The following ARHGAP26 variants were observed in gnomAD, a reference collection of about 807,000 sequenced individuals.
ARHGAP26 encodes the protein Rho GTPase activating protein 26, also known as rho GTPase-activating protein 26.
A neutral mutation model predicts 104.8 loss-of-function variants in ARHGAP26; 38 were observed. That is an observed-to-expected ratio of 0.36 (90% confidence interval 0.28 to 0.48). The LOEUF (loss-of-function observed/expected upper bound fraction) is 0.48. Ranked by LOEUF, ARHGAP26 falls within the 20% of genes least tolerant of loss-of-function variation. The pLI is 0.99. For synonymous variants in ARHGAP26, 341 were observed against 340.0 expected (o/e 1.00, Z -0.03); for missense variants, 704 against 947.9 (o/e 0.74, Z 3.38).
intron 20 of ARHGAP26, among the ~76,000 whole-genome samples, chr5:143,150,309 G>C (rs1361595524): frequency 6.6e-6 from 1 of 152,222 alleles, no homozygotes; most frequent in Non-Finnish European, 1.5e-5. Flanking sequence ...GAGGGTTCCT[G>C]TCTTCCCCAA....
At chr5:142,831,173 G>C (rs1317891145) in intron 1 of ARHGAP26, among the ~76,000 whole-genome samples, 26 of 152,066 alleles carry the variant, frequency 1.7e-4, no homozygotes, top group Admixed American at 1.6e-3. Flanking sequence ...CTGTTGAGTT[G>C]GTTCTCTCAG....
chr5:142,978,153 C>T (rs1357393728), intron 11 of ARHGAP26, among the ~76,000 whole-genome samples: 4 of 152,212 alleles, frequency 2.6e-5, no homozygotes, highest in African/African-American at 7.2e-5. Flanking sequence ...GGGGTCGGAT[C>T]GCTTCTCCTT....
At chr5:143,211,733 A>ATTTTTTTTT (rs1335525132) in intron 21 of ARHGAP26, among the ~76,000 whole-genome samples, 1 of 151,296 alleles carries the variant, frequency 6.6e-6, no homozygotes, top group Admixed American at 6.6e-5. Context: ...TGCCTGGCTA[A>ATTTTTTTTT]TTTTTTTTAT....
At chr5:143,058,372 A>G (rs1786174719) in intron 17 of ARHGAP26, among the ~76,000 whole-genome samples, 1 of 152,260 alleles carries the variant, frequency 6.6e-6, no homozygotes, top group East Asian at 1.9e-4. Flanking sequence ...GTCCTCTGAG[A>G]TAATCAAAGC....
chr5:142,957,455 G>GA (rs1769436486), intron 11 of ARHGAP26, among the ~76,000 whole-genome samples: 1 of 152,046 alleles, frequency 6.6e-6, no homozygotes, highest in Non-Finnish European at 1.5e-5. Flanking sequence ...GACCATCATT[G>GA]GACCATAAGA....
intron 10 of ARHGAP26, among the ~76,000 whole-genome samples, chr5:142,918,866 C>T (rs570319551): frequency 6.6e-6 from 1 of 152,276 alleles, no homozygotes; most frequent in South Asian, 2.1e-4. Context: ...GGTATCATGT[C>T]AGTCCAATCA....
chr5:142,770,950 G>C (rs759757591), intron 1 of ARHGAP26, 35 bp downstream of exon 1: 2 of 1,575,394 alleles, frequency 1.3e-6, no homozygotes, highest in Non-Finnish European at 1.7e-6. Flanking sequence ...ACGCGGCTCC[G>C]GGGCGGGAGG....
At chr5:143,190,790 A>G (rs1190299959) in intron 20 of ARHGAP26, among the ~76,000 whole-genome samples, 1 of 152,240 alleles carries the variant, frequency 6.6e-6, no homozygotes, top group Non-Finnish European at 1.5e-5. Flanking sequence ...TGTATCCAGA[A>G]TCTATGCAGA....
intron 13 of ARHGAP26, among the ~76,000 whole-genome samples, chr5:143,040,531 C>G (rs1012275897): frequency 6.6e-6 from 1 of 152,142 alleles, no homozygotes; most frequent in East Asian, 1.9e-4. Flanking sequence ...GACACAATTA[C>G]TGTTTACATT....
At chr5:143,219,064 A>G (rs1296641193) in intron 22 of ARHGAP26, among the ~76,000 whole-genome samples, 1 of 152,260 alleles carries the variant, frequency 6.6e-6, no homozygotes, top group East Asian at 1.9e-4. Flanking sequence ...GCCACCTGGC[A>G]TGTGCTCAAC....
chr5:142,970,487 C>T (rs79773516), intron 11 of ARHGAP26, among the ~76,000 whole-genome samples: 5,862 of 152,278 alleles, frequency 0.038, 119 homozygotes, highest in South Asian at 0.058. Flanking sequence ...CCACTTCTGG[C>T]GGCTCCAACC....
intron 11 of ARHGAP26, among the ~76,000 whole-genome samples, chr5:143,012,537 T>TTATATATATATA (rs752338630): frequency 2.8e-4 from 5 of 17,660 alleles, no homozygotes; most frequent in Non-Finnish European, 7.8e-4. Context: ...AGGGATATAT[T>TTATATATATATA]TATATACATA....
chr5:142,913,130 C>A, intron 9 of ARHGAP26, 69 bp from the exon 10 acceptor site: 1 of 1,274,248 alleles, frequency 7.8e-7, no homozygotes, highest in Non-Finnish European at 1.1e-6. Context: ...GTTTACATGT[C>A]ATGTATGTCC....
intron 1 of ARHGAP26, among the ~76,000 whole-genome samples, chr5:142,779,416 G>C (rs1162362738): frequency 7.4e-6 from 1 of 135,470 alleles, no homozygotes; most frequent in Non-Finnish European, 1.5e-5. Context: ...GATTCCTGGG[G>C]TTAGGGTGGT....
chr5:143,092,538 A>C (rs1205335600), intron 17 of ARHGAP26, among the ~76,000 whole-genome samples: 1 of 151,526 alleles, frequency 6.6e-6, no homozygotes, highest in African/African-American at 2.4e-5. Flanking sequence ...TTTTTACATA[A>C]ATTCTCCCCC....
chr5:143,172,101 A>G (rs551125119), intron 20 of ARHGAP26, among the ~76,000 whole-genome samples: 1 of 152,298 alleles, frequency 6.6e-6, no homozygotes, highest in South Asian at 2.1e-4. Flanking sequence ...CTGAGGCAGC[A>G]TTTTCAAGAA....
intron 17 of ARHGAP26, among the ~76,000 whole-genome samples, chr5:143,108,452 C>G (rs1386313872): frequency 6.6e-6 from 1 of 152,010 alleles, no homozygotes; most frequent in African/African-American, 2.4e-5. Context: ...TTTTTTCTGT[C>G]TTCTAATCAA....
intron 11 of ARHGAP26, among the ~76,000 whole-genome samples, chr5:142,970,555 G>T (rs906080260): frequency 2.0e-5 from 3 of 152,134 alleles, no homozygotes; most frequent in African/African-American, 7.2e-5. Flanking sequence ...TTCCCCTATT[G>T]TTCCAATAGA....
At chr5:143,118,416 G>A (rs951149772) in intron 17 of ARHGAP26, among the ~76,000 whole-genome samples, 1 of 152,168 alleles carries the variant, frequency 6.6e-6, no homozygotes, top group Non-Finnish European at 1.5e-5. Context: ...GGCACAGGCA[G>A]GCCTAGTGGT....
Sources: gnomAD v4.1 joint callset for allele counts (sites outside exome capture counted in the v4.1 genomes callset) on GRCh38, gnomAD v4.1.1 for gene constraint, MANE v1.5 for transcripts, NCBI Gene and HGNC (gene_info 2026-07-23, HGNC 2026-07-21) for gene names.